CD70: variants seen among roughly 807,000 people sequenced by gnomAD.
CD70 encodes CD70 antigen.
A neutral mutation model predicts 9.0 loss-of-function variants in CD70; 6 were observed. The observed-to-expected ratio is 0.67, with a 90% CI of 0.37 to 1.32. The LOEUF is 1.32. CD70 is among the 40% of genes most tolerant of loss of function. The pLI, the probability that CD70 is intolerant of heterozygous loss-of-function variation, is 0.02. For synonymous variants in CD70, 108 were observed against 112.3 expected, an observed-to-expected ratio of 0.96 and a Z score of 0.24; for missense variants, 235 against 258.7, an observed-to-expected ratio of 0.91 and a Z score of 0.63.
In CD70 at chr19:6,585,930, C is replaced by T. The variant is rs1916004723; in HGVS notation, c.*90G>A. 11 of 984,966 alleles carry T rather than the reference C, an allele frequency of 1.1e-5. No individual in the cohort carries two copies. The highest frequency in any genetic ancestry group is 1.6e-5 in the Non-Finnish European group (11 of 676,816). 61.0% of individuals were successfully genotyped at this position (984,966 alleles called of 1,614,324 possible). A position where few individuals can be genotyped will look rare whatever the true frequency, so the allele number is the denominator to read the frequency against. On this transcript the variant is annotated 3_prime_UTR_variant, in exon 3 of 3. Coordinates refer to ENST00000245903, the MANE Select transcript of CD70 (RefSeq NM_001252.5). ...ACTACCCCCCACCACACTCCCACCC[C>T]AACCCCGGGTGGCCCCTGTGTGTAC...
In CD70 at chr19:6,590,955, C is replaced by T. The variant is rs145065586; in HGVS notation, c.48G>A (p.Gly16=). 5.6e-5 allele frequency: 91 copies of T among 1,613,814 alleles called. No individual in the cohort carries two copies. Among genetic ancestry groups the T allele is most frequent in the Middle Eastern group, 3.3e-4 (2 of 6,058 alleles). The part of the protein sequence containing the change: ...SGCSVRRRPY[G]CVLRAALVPL... ...GGACCAAAGCAGCCCGCAGGACGCA[C>T]CCATAGGGCCTGCGCCGCACCGAGC... Residue 16 remains glycine (G), a synonymous_variant, in exon 1 of 3, where the codon GGG becomes GGA. Transcript: ENST00000245903. This position sits in a 1 kb window ranked among gnomAD's most constrained non-coding sequence, Gnocchi z 5.3.
chr19:6,586,405 C>T lies in CD70; in HGVS notation c.197G>A (p.Gly66Glu), dbSNP rs1258351866. 6.2e-7 allele frequency: 1 copy of T among 1,605,120 alleles called. No homozygotes were observed. Among genetic ancestry groups the T allele is most frequent in the South Asian group, 1.1e-5 (1 of 90,368 alleles). The change falls in exon 3 of 3, where the codon GGA becomes GAA. Residue 66 changes from glycine (G) to glutamate (E), a missense_variant and splice_region_variant. By Grantham distance (98) the Gly-to-Glu change is moderately conservative. Coordinates refer to ENST00000245903, the MANE Select transcript of CD70 (RefSeq NM_001252.5). ...GTATAGCCTGGGGTCCTGCTGAGGTCCTGGGGGCACAGGGTTAGAGGGATG... is the reference window on the plus strand; with the variant it reads ...GTATAGCCTGGGGTCCTGCTGAGGTTCTGGGGGCACAGGGTTAGAGGGATG... The part of the protein sequence containing the change: ...DVAELQLNHT[G>E]PQQDPRLYWQ...
In CD70 at chr19:6,590,853, G is replaced by C. The variant is rs1001927429; in HGVS notation, c.150C>G (p.Leu50=). ...CATCTCAACTCACCCCAAGTGACTC[G>C]AGCGGCAGCTGCTGCTGAGCCTGTG... ...RFAQAQQQLP[L]ESLGWDVAEL... is the part of the protein sequence containing the mutation. Residue 50 remains leucine, a synonymous_variant, in exon 1 of 3, where the codon CTC becomes CTG. Coordinates refer to ENST00000245903, the MANE Select transcript of CD70 (RefSeq NM_001252.5). This position sits in a 1 kb window ranked among gnomAD's most constrained non-coding sequence, Gnocchi z 5.3. The C allele has an allele frequency of 7.4e-6, 12 of 1,612,602 alleles. No homozygotes were observed. The highest frequency in any genetic ancestry group is 6.7e-5 in the African/African-American group (5 of 74,830).
At chr19:6,584,895 G>T (rs1915985428), downstream of CD70, among the ~76,000 whole-genome samples, 2 of 151,976 alleles carry the variant, frequency 1.3e-5, no homozygotes, top group Admixed American at 1.3e-4. Flanking sequence ...CGCCATGTTG[G>T]CCAGGCTTGT....
downstream of CD70, among the ~76,000 whole-genome samples, chr19:6,583,750 G>A (rs1386860757): frequency 1.3e-5 from 2 of 149,088 alleles, no homozygotes; most frequent in East Asian, 3.9e-4. Flanking sequence ...GTAGAGATGA[G>A]GTTTCACCAT....
At chr19:6,587,528 A>G (rs1278898292) in intron 2 of CD70, among the ~76,000 whole-genome samples, 1 of 152,054 alleles carries the variant, frequency 6.6e-6, no homozygotes, top group Admixed American at 6.6e-5. Context: ...CAGCGTGCGC[A>G]CGAGACAGCG....
downstream of CD70, among the ~76,000 whole-genome samples, chr19:6,583,774 G>A (rs1401630650): frequency 1.2e-4 from 18 of 144,270 alleles, no homozygotes; most frequent in African/African-American, 4.3e-4. Context: ...AGCCAGATTG[G>A]TAACTGTGGT....
At position 6,590,852 on chromosome 19, in the gene CD70, C is replaced by T. The variant is rs146389258; in HGVS notation, c.151G>A (p.Glu51Lys). ...FAQAQQQLPL[E>K]SLGWDVAELQ... ...CCATCTCAACTCACCCCAAGTGACT[C>T]GAGCGGCAGCTGCTGCTGAGCCTGT... The change falls in exon 1 of 3, where the codon GAG becomes AAG. Residue 51 changes from glutamate (E) to lysine (K), a missense_variant. Coordinates refer to ENST00000245903, the MANE Select transcript of CD70 (RefSeq NM_001252.5). The surrounding 1 kb of genome is among the most constrained non-coding windows in gnomAD (Gnocchi z 5.3). 6.2e-7 allele frequency: 1 copy of T among 1,612,688 alleles called. No homozygotes were observed. The highest frequency in any genetic ancestry group is 1.3e-5 in the African/African-American group (1 of 74,896).
chr19:6,590,134 C>T lies in CD70; in HGVS notation c.165G>A (p.Trp55Ter). The T allele has an allele frequency of 6.2e-7, 1 of 1,613,746 alleles. No homozygotes were observed. Among genetic ancestry groups the T allele is most frequent in the Non-Finnish European group, 8.5e-7 (1 of 1,179,694 alleles). Residue 55 changes from tryptophan to a stop codon, truncating the protein, a stop_gained and splice_region_variant, in exon 2 of 3, where the codon TGG (tryptophan) becomes TGA (stop). Coordinates refer to ENST00000245903, the MANE Select transcript of CD70 (RefSeq NM_001252.5). LOFTEE classifies it low-confidence loss of function (END_TRUNC). The surrounding 1 kb of genome is among the most constrained non-coding windows in gnomAD (Gnocchi z 5.3). The stretch of plus-strand genomic sequence containing the variant: ...GATTCAGCTGCAGCTCAGCTACGTC[C>T]CACTGGAAGAAAAGACCAGAAAACA... ...QQQLPLESLG[W>*]DVAELQLNHT...
At chr19:6,586,902 C>CAAAAAAAAAAAAAAAAAAAAA (rs55803401) in intron 2 of CD70, among the ~76,000 whole-genome samples, 1 of 85,330 alleles carries the variant, frequency 1.2e-5, no homozygotes. Flanking sequence ...GAGAGAGAGA[C>CAAAAAAAAAAAAAAAAAAAAA]AAAAAAAAAA....
chr19:6,584,742 G>A (rs537425993), downstream of CD70, among the ~76,000 whole-genome samples: 82 of 151,204 alleles, frequency 5.4e-4, no homozygotes, highest in African/African-American at 1.9e-3. Flanking sequence ...GGCCTGTGCT[G>A]GCGGTCCTAG....
downstream of CD70, chr19:6,583,074 AT>A: frequency 2.6e-6 from 1 of 380,986 alleles, no homozygotes. Flanking sequence ...CATGGGTCTC[AT>A]TTTCCCTCCC....
Position 6,586,344 on chromosome 19 carries a change from C to A in CD70, c.258G>T (p.Leu86=). The A allele has an allele frequency of 6.2e-7, 1 of 1,613,286 alleles. No homozygotes were observed. The highest frequency in any genetic ancestry group is 1.7e-5 in the Admixed American group (1 of 60,024). The change falls in exon 3 of 3, where the codon CTG becomes CTT. Residue 86 remains leucine (L), a synonymous_variant. Transcript: ENST00000245903. ...QGGPALGRSF[L]HGPELDKGQL... Reference sequence around the variant, plus strand: ...GCCCCTTGTCCAGCTCTGGTCCATGCAGGAAGGAGCGGCCCAGTGCTGGGC... The same window carrying A: ...GCCCCTTGTCCAGCTCTGGTCCATGAAGGAAGGAGCGGCCCAGTGCTGGGC...
Position 6,586,418 on chromosome 19 carries a change from G to A in CD70, c.197-13C>T, listed in dbSNP as rs1267078164. 6.3e-7 allele frequency: 1 copy of A among 1,591,722 alleles called. No individual in the cohort carries two copies. The highest frequency in any genetic ancestry group is 8.6e-7 in the Non-Finnish European group (1 of 1,168,694). On this transcript the variant is annotated splice_polypyrimidine_tract_variant and intron_variant, in intron 2 of 2. Transcript: ENST00000245903. ...TCCTGCTGAGGTCCTGGGGGCACAG[G>A]GTTAGAGGGATGAGAGGATGGAGGT...
Position 6,586,017 on chromosome 19 carries a change from T to C in CD70, c.*3A>G. 1.3e-6 allele frequency: 2 copies of C among 1,593,652 alleles called. No individual in the cohort carries two copies. The highest frequency in any genetic ancestry group is 1.7e-6 in the Non-Finnish European group (2 of 1,167,164). On this transcript the variant is annotated 3_prime_UTR_variant, in exon 3 of 3. Coordinates refer to ENST00000245903, the MANE Select transcript of CD70 (RefSeq NM_001252.5). Reference sequence around the variant, plus strand: ...TTTAAAAAACCCTAATCAGCAGCAGTGGTCAGGGGCGCACCCACTGCACTC... The same window carrying C: ...TTTAAAAAACCCTAATCAGCAGCAGCGGTCAGGGGCGCACCCACTGCACTC...
At chr19:6,583,168 G>A, downstream of CD70, 3 of 464,064 alleles carry the variant, frequency 6.5e-6, no homozygotes, top group Non-Finnish European at 1.2e-5. Flanking sequence ...TATCTGGCTT[G>A]GAATCCTGAG....
chr19:6,586,809 G>T (rs148945593), intron 2 of CD70, among the ~76,000 whole-genome samples: 1 of 151,166 alleles, frequency 6.6e-6, no homozygotes, highest in East Asian at 1.9e-4. Context: ...AAAAAGGGAG[G>T]GGGATAGAAG....
At chr19:6,585,769 G>A (rs868039259), downstream of CD70, 12 of 394,660 alleles carry the variant, frequency 3.0e-5, 1 homozygote, top group South Asian at 2.3e-4. Flanking sequence ...CCACCTCCTC[G>A]GTTCAAGCGA....
At position 6,590,007 on chromosome 19, in the gene CD70, C is replaced by G; in HGVS notation, c.196+96G>C. The stretch of plus-strand genomic sequence containing the variant: ...TCTCCCTCCGTCTCTGTCTGTGTCT[C>G]TTTCTCTCTGTCTCTCCCCACTTGT... On this transcript the variant is annotated intron_variant, in intron 2 of 2. Transcript: ENST00000245903. The surrounding 1 kb of genome is among the most constrained non-coding windows in gnomAD (Gnocchi z 5.3). 1.0e-6 allele frequency: 1 copy of G among 976,304 alleles called. No individual in the cohort carries two copies. Among genetic ancestry groups the G allele is most frequent in the Admixed American group, 2.1e-5 (1 of 48,722 alleles). 60.5% of individuals were successfully genotyped at this position (976,304 alleles called of 1,614,324 possible).
Sources: allele counts gnomAD v4.1 joint callset (sites outside exome capture counted in the v4.1 genomes callset), GRCh38; gene constraint gnomAD v4.1.1; non-coding constraint Gnocchi (gnomAD v3.1); transcripts MANE v1.5; gene names NCBI Gene and HGNC (gene_info 2026-07-23, HGNC 2026-07-21).